The following SHISA9 variants were observed in gnomAD, a reference collection of about 807,000 sequenced individuals.
SHISA9 encodes the protein protein shisa-9.
A neutral mutation model predicts 38.0 loss-of-function variants in SHISA9; 13 were observed. The ratio of observed to expected loss-of-function variants is 0.34; its 90% CI spans 0.22 to 0.54. SHISA9 has a LOEUF of 0.54. SHISA9 is among the 20% of genes least tolerant of loss of function. The probability of loss-of-function intolerance (pLI) is 0.91; values close to 1 mark genes in which losing one functional copy is unlikely to be tolerated. For synonymous variants in SHISA9, 275 were observed against 242.0 expected (o/e 1.14, Z -1.27); for missense variants, 538 against 575.8 (o/e 0.93, Z 0.67).
chr16:13,363,342 C>T, the SHISA9 span, among the ~76,000 whole-genome samples: 30 of 152,310 alleles, frequency 2.0e-4, no homozygotes, highest in South Asian at 6.2e-4. Flanking sequence ...CTTCGTTTGC[C>T]GTTTTATTCC....
chr16:12,929,188 G>C (rs1335003732), intron 2 of SHISA9, among the ~76,000 whole-genome samples: 1 of 152,196 alleles, frequency 6.6e-6, no homozygotes, highest in Non-Finnish European at 1.5e-5. Flanking sequence ...TACACTGTTG[G>C]TGGGAGTGTA....
At chr16:13,382,530 CAA>C in the SHISA9 span, among the ~76,000 whole-genome samples, 11 of 48,980 alleles carry the variant, frequency 2.2e-4, no homozygotes, top group East Asian at 5.8e-4. Context: ...AACTCCATCT[CAA>C]AAAAAAAAAA....
intron 2 of SHISA9, among the ~76,000 whole-genome samples, chr16:13,024,839 C>T (rs2072901042): frequency 6.6e-6 from 1 of 152,172 alleles, no homozygotes; most frequent in Admixed American, 6.6e-5. Context: ...GTGATACTTC[C>T]TGACGCCTGG....
chr16:13,556,998 C>G, the SHISA9 span, among the ~76,000 whole-genome samples: 1 of 152,150 alleles, frequency 6.6e-6, no homozygotes, highest in Admixed American at 6.5e-5. Context: ...AATCAATCCC[C>G]TCCAGTACTG....
chr16:13,339,784 C>T, the SHISA9 span, among the ~76,000 whole-genome samples: 1 of 152,148 alleles, frequency 6.6e-6, no homozygotes, highest in Non-Finnish European at 1.5e-5. Flanking sequence ...CGACTTAACT[C>T]TGAGTGCCTC....
At chr16:13,122,826 C>T (rs905713572) in intron 2 of SHISA9, among the ~76,000 whole-genome samples, 5 of 152,176 alleles carry the variant, frequency 3.3e-5, no homozygotes, top group Admixed American at 6.5e-5. Flanking sequence ...GCAGGAGGAT[C>T]GCCTGAGGTC....
chr16:13,052,488 A>G (rs751207541), intron 2 of SHISA9, among the ~76,000 whole-genome samples: 4 of 152,204 alleles, frequency 2.6e-5, no homozygotes, highest in Non-Finnish European at 5.9e-5. Context: ...ACTCTGATTG[A>G]TGAGTCATGA....
chr16:13,368,503 G>GT, the SHISA9 span, among the ~76,000 whole-genome samples: 1 of 152,082 alleles, frequency 6.6e-6, no homozygotes, highest in Non-Finnish European at 1.5e-5. Flanking sequence ...GCTTCGTTGC[G>GT]TTAGGGGGTT....
At chr16:13,332,063 G>A in the SHISA9 span, 1 of 152,006 alleles carries the variant, frequency 6.6e-6, no homozygotes, top group African/African-American at 2.4e-5. Flanking sequence ...GAAATGACTT[G>A]AGATAGATCT....
the SHISA9 span, among the ~76,000 whole-genome samples, chr16:13,321,508 A>C: frequency 6.6e-6 from 1 of 152,218 alleles, no homozygotes; most frequent in Non-Finnish European, 1.5e-5. Context: ...TATTGTAATA[A>C]ATAAGGCCAT....
chr16:13,447,676 A>G, the SHISA9 span, among the ~76,000 whole-genome samples: 1 of 152,218 alleles, frequency 6.6e-6, no homozygotes, highest in Non-Finnish European at 1.5e-5. Flanking sequence ...AAATCATGGA[A>G]TAAACACAGA....
intron 2 of SHISA9, among the ~76,000 whole-genome samples, chr16:13,093,219 C>G (rs1308864108): frequency 3.9e-5 from 6 of 152,212 alleles, no homozygotes; most frequent in African/African-American, 1.4e-4. Context: ...TTACTTCAAC[C>G]TAGGGTGACA....
At chr16:13,443,582 C>A in the SHISA9 span, among the ~76,000 whole-genome samples, 1 of 152,088 alleles carries the variant, frequency 6.6e-6, no homozygotes, top group Non-Finnish European at 1.5e-5. Flanking sequence ...TGGGACATAC[C>A]CCTCTGATCA....
intron 1 of SHISA9, among the ~76,000 whole-genome samples, chr16:12,906,417 A>C (rs2071094295): frequency 6.6e-6 from 1 of 152,096 alleles, no homozygotes; most frequent in African/African-American, 2.4e-5. Flanking sequence ...TTCTGGGCTA[A>C]TTAGGGCTGA....
At chr16:13,164,681 T>C (rs1316538656) in intron 2 of SHISA9, among the ~76,000 whole-genome samples, 1 of 152,148 alleles carries the variant, frequency 6.6e-6, no homozygotes, top group Non-Finnish European at 1.5e-5. Context: ...CATTTCGATA[T>C]GTTACATTTT....
chr16:12,984,940 G>C (rs772883938), intron 2 of SHISA9, among the ~76,000 whole-genome samples: 47 of 152,166 alleles, frequency 3.1e-4, no homozygotes, highest in Non-Finnish European at 5.3e-4. Context: ...TGTATGTCCA[G>C]AGCTCCCGAC....
At chr16:13,540,714 G>A in the SHISA9 span, among the ~76,000 whole-genome samples, 1 of 152,188 alleles carries the variant, frequency 6.6e-6, no homozygotes, top group Non-Finnish European at 1.5e-5. Flanking sequence ...TTAGGGTAAT[G>A]ATGCTCCCAT....
intron 2 of SHISA9, among the ~76,000 whole-genome samples, chr16:13,162,899 C>T (rs531400530): frequency 4.0e-5 from 6 of 151,862 alleles, no homozygotes; most frequent in South Asian, 4.2e-4. Flanking sequence ...ACCTTGGAGC[C>T]GTTATCCTGT....
chr16:13,425,725 A>G, the SHISA9 span, among the ~76,000 whole-genome samples: 1 of 152,260 alleles, frequency 6.6e-6, no homozygotes, highest in Non-Finnish European at 1.5e-5. Context: ...TCACATGAAC[A>G]TAAAAAAGAG....
Sources: allele counts gnomAD v4.1 joint callset (sites outside exome capture counted in the v4.1 genomes callset), GRCh38; gene constraint gnomAD v4.1.1; transcripts MANE v1.5; gene names NCBI Gene and HGNC (gene_info 2026-07-23, HGNC 2026-07-21).